The following WWOX variants were observed in gnomAD, a reference collection of about 807,000 sequenced individuals.
WWOX encodes WW domain-containing oxidoreductase.
A neutral mutation model predicts 46.2 loss-of-function variants in WWOX; 69 were observed. The ratio of observed to expected loss-of-function variants is 1.49; its 90% CI spans 1.23 to 1.82. The LOEUF is 1.82. WWOX is among the 40% of genes most tolerant of loss of function. The pLI is 0.00. For synonymous variants in WWOX, 359 were observed against 202.6 expected, an observed-to-expected ratio of 1.77 and a Z score of -6.56; for missense variants, 919 against 542.6, an observed-to-expected ratio of 1.69 and a Z score of -6.89.
chr16:78,909,171 CATAATTTTCTCCGTT>C (rs1193916496), intron 8 of WWOX, among the ~76,000 whole-genome samples: 1 of 152,184 alleles, frequency 6.6e-6, no homozygotes, highest in African/African-American at 2.4e-5. Flanking sequence ...CCATCACCTT[CATAATTTTCTCCGTT>C]ATAATTTTTG....
chr16:78,936,138 C>T (rs559582313), intron 8 of WWOX, among the ~76,000 whole-genome samples: 4 of 151,906 alleles, frequency 2.6e-5, no homozygotes, highest in South Asian at 2.1e-4. Flanking sequence ...GTCTGGGAAC[C>T]GGAGAATGGT....
intron 8 of WWOX, among the ~76,000 whole-genome samples, chr16:78,941,603 A>G (rs1660598584): frequency 6.6e-6 from 1 of 152,008 alleles, no homozygotes; most frequent in Non-Finnish European, 1.5e-5. Flanking sequence ...AGTGAGGTAC[A>G]CCTTTCATAA....
intron 8 of WWOX, among the ~76,000 whole-genome samples, chr16:78,686,066 G>A (rs143795974): frequency 1.3e-5 from 2 of 152,290 alleles, no homozygotes; most frequent in African/African-American, 4.8e-5. Flanking sequence ...GAAAGTGCAA[G>A]TAGATTTGGG....
intron 8 of WWOX, among the ~76,000 whole-genome samples, chr16:78,862,859 T>G (rs2043920981): frequency 6.6e-6 from 1 of 152,178 alleles, no homozygotes; most frequent in African/African-American, 2.4e-5. Flanking sequence ...CAGAAACGCC[T>G]TCATGGACAC....
chr16:78,634,311 C>G (rs12716856), intron 8 of WWOX, among the ~76,000 whole-genome samples: 1 of 151,968 alleles, frequency 6.6e-6, no homozygotes. Flanking sequence ...GGAAATGATA[C>G]GCTTCAGCTC....
rs2151330173 is a variant in WWOX at position 78,977,890 on chromosome 16, T to C, written c.1057-233718T>C. Reference sequence around the variant, plus strand: ...TTGTTTTCCCCTACTTTTAAAAAATTGAGGTGAAATTCACATAATATAAGA... The same window carrying C: ...TTGTTTTCCCCTACTTTTAAAAAATCGAGGTGAAATTCACATAATATAAGA... On this transcript the variant is annotated intron_variant, in intron 8 of 8. Transcript: ENST00000566780. Among the ~76,000 whole-genome samples, 4 of 152,334 alleles carry C rather than the reference T, an allele frequency of 2.6e-5. No homozygotes were observed. The South Asian group carries it at 8.3e-4, about 32-fold the overall frequency.
intron 5 of WWOX, among the ~76,000 whole-genome samples, chr16:78,380,977 A>G (rs28642324): frequency 0.016 from 2,373 of 151,920 alleles, 67 homozygotes; most frequent in African/African-American, 0.055. Context: ...CACTCTAACC[A>G]TAGAAGGCAA....
intron 8 of WWOX, among the ~76,000 whole-genome samples, chr16:78,894,032 A>ATTATTATTATTT (rs2044648525): frequency 6.9e-6 from 1 of 145,584 alleles, no homozygotes; most frequent in Non-Finnish European, 1.5e-5. Context: ...TATTATTATT[A>ATTATTATTATTT]TTATTATTAT....
At chr16:78,827,716 C>G (rs897266031) in intron 8 of WWOX, among the ~76,000 whole-genome samples, 1 of 151,914 alleles carries the variant, frequency 6.6e-6, no homozygotes, top group African/African-American at 2.4e-5. Context: ...TGGTGCATGT[C>G]TGTTATCCCA....
chr16:78,223,427 A>G (rs1223482313), intron 5 of WWOX, among the ~76,000 whole-genome samples: 2 of 152,172 alleles, frequency 1.3e-5, no homozygotes, highest in Admixed American at 6.5e-5. Flanking sequence ...TGAAGCACTA[A>G]TAGGTCAGAG....
chr16:78,719,658 C>G (rs985111799), intron 8 of WWOX, among the ~76,000 whole-genome samples: 6 of 152,154 alleles, frequency 3.9e-5, no homozygotes, highest in South Asian at 2.1e-4. Context: ...CTGTCTTACA[C>G]TGGTTTAGTA....
chr16:79,167,439 G>C (rs188927752), intron 8 of WWOX, among the ~76,000 whole-genome samples: 1 of 152,190 alleles, frequency 6.6e-6, no homozygotes, highest in East Asian at 1.9e-4. Flanking sequence ...CTCTGACCTT[G>C]GAGACAGGGA....
At chr16:78,376,986 C>T (rs946475448) in intron 5 of WWOX, among the ~76,000 whole-genome samples, 3 of 152,204 alleles carry the variant, frequency 2.0e-5, no homozygotes, top group South Asian at 2.1e-4. Flanking sequence ...TTGCGACTTG[C>T]GGCAATCACC....
intron 8 of WWOX, among the ~76,000 whole-genome samples, chr16:79,029,306 G>C (rs1412119843): frequency 6.6e-6 from 1 of 152,180 alleles, no homozygotes; most frequent in Admixed American, 6.5e-5. Context: ...CTGCAGGCAT[G>C]GGGAAGAGAC....
intron 5 of WWOX, among the ~76,000 whole-genome samples, chr16:78,330,547 C>T (rs561683141): frequency 2.0e-4 from 31 of 152,200 alleles, no homozygotes; most frequent in South Asian, 6.2e-4. Context: ...CAGGCGCATG[C>T]CACCACCGCC....
At chr16:79,207,276 T>C (rs936676778) in intron 8 of WWOX, among the ~76,000 whole-genome samples, 1 of 152,248 alleles carries the variant, frequency 6.6e-6, no homozygotes, top group African/African-American at 2.4e-5. Flanking sequence ...ATTTGCTTTG[T>C]CCAACAGACA....
chr16:78,661,956 A>ATC (rs2047223999), intron 8 of WWOX, among the ~76,000 whole-genome samples: 2 of 152,174 alleles, frequency 1.3e-5, no homozygotes. Flanking sequence ...AGGTGGGAGG[A>ATC]TCATTTGAGC....
At chr16:78,623,615 G>C (rs1280838660) in intron 8 of WWOX, among the ~76,000 whole-genome samples, 1 of 152,020 alleles carries the variant, frequency 6.6e-6, no homozygotes, top group African/African-American at 2.4e-5. Context: ...GAGAGGCAGG[G>C]GTTGCAGTGA....
chr16:79,028,139 C>T lies in WWOX; in HGVS notation c.1057-183469C>T, dbSNP rs1027366952. Among the ~76,000 whole-genome samples the T allele has an allele frequency of 7.2e-5, 11 of 151,774 alleles. No homozygotes were observed. In the South Asian group the frequency reaches 1.2e-3, roughly 17 times the overall value. The stretch of plus-strand genomic sequence containing the variant: ...CTAATTTTTGTATTTTCAGCAGAGA[C>T]GGGGTTTCACCGTGTTACCCAGGAT... On this transcript the variant is annotated intron_variant, in intron 8 of 8. Coordinates refer to ENST00000566780, the MANE Select transcript of WWOX (RefSeq NM_016373.4).
Sources: allele counts gnomAD v4.1 joint callset (sites outside exome capture counted in the v4.1 genomes callset), GRCh38; gene constraint gnomAD v4.1.1; transcripts MANE v1.5; gene names NCBI Gene and HGNC (gene_info 2026-07-23, HGNC 2026-07-21).